Variants in DRD2 observed in about 807,000 individuals in gnomAD.
The protein encoded by DRD2 is dopamine receptor D2.
Under a neutral mutation model 38.0 loss-of-function variants are expected in DRD2, and 8 were observed. That is an observed-to-expected ratio of 0.21 (90% CI 0.12 to 0.38). The LOEUF (loss-of-function observed/expected upper bound fraction) is 0.38. DRD2 is among the 10% of genes least tolerant of loss of function. The pLI is 1.00. For synonymous variants in DRD2, 230 were observed against 238.6 expected, an observed-to-expected ratio of 0.96 and a Z score of 0.33; for missense variants, 403 against 607.7, an observed-to-expected ratio of 0.66 and a Z score of 3.54.
chr11:113,466,779 T>C (rs1168263188), intron 1 of DRD2, among the ~76,000 whole-genome samples: 1 of 152,204 alleles, frequency 6.6e-6, no homozygotes, highest in Admixed American at 6.5e-5. Context: ...AACTACCAAG[T>C]GCCTAGCACC....
At chr11:113,432,322 CT>C (rs1444671877) in intron 1 of DRD2, among the ~76,000 whole-genome samples, 48 of 150,398 alleles carry the variant, frequency 3.2e-4, no homozygotes, top group African/African-American at 1.1e-3. Context: ...CTCTCTCTCT[CT>C]CTCCCTCCCT....
At chr11:113,427,329 C>T (rs1430856899) in intron 1 of DRD2, among the ~76,000 whole-genome samples, 3 of 152,058 alleles carry the variant, frequency 2.0e-5, no homozygotes, top group Non-Finnish European at 4.4e-5. Flanking sequence ...GCCTAGAATC[C>T]TCCTGTCTTA....
chr11:113,457,869 G>C (rs1382509314), intron 1 of DRD2, among the ~76,000 whole-genome samples: 1 of 152,252 alleles, frequency 6.6e-6, no homozygotes, highest in Non-Finnish European at 1.5e-5. Flanking sequence ...ATTAGAGCCA[G>C]GGCCAATTAT....
At chr11:113,423,848 A>G (rs1230735715) in intron 2 of DRD2, among the ~76,000 whole-genome samples, 1 of 152,218 alleles carries the variant, frequency 6.6e-6, no homozygotes, top group Non-Finnish European at 1.5e-5. Flanking sequence ...GGGAGCATAA[A>G]GCAGCAGACC....
intron 1 of DRD2, among the ~76,000 whole-genome samples, chr11:113,448,300 C>A (rs1242837401): frequency 6.6e-6 from 1 of 152,156 alleles, no homozygotes; most frequent in Non-Finnish European, 1.5e-5. Flanking sequence ...CCTGGGGCAG[C>A]CGCTCCTTGG....
intron 1 of DRD2, among the ~76,000 whole-genome samples, chr11:113,437,211 T>A (rs979384942): frequency 6.6e-6 from 1 of 152,184 alleles, no homozygotes; most frequent in Non-Finnish European, 1.5e-5. Flanking sequence ...AGATTAGATA[T>A]GATCCCCATG....
At chr11:113,424,261 G>GTTT in intron 2 of DRD2, 106 bp downstream of exon 2, 1 of 1,277,228 alleles carries the variant, frequency 7.8e-7, no homozygotes, top group South Asian at 1.3e-5. Flanking sequence ...ACCTGGGGAA[G>GTTT]CACCAGGAAA....
At chr11:113,467,313 C>G (rs777614680) in intron 1 of DRD2, among the ~76,000 whole-genome samples, 19 of 152,244 alleles carry the variant, frequency 1.2e-4, no homozygotes, top group Admixed American at 2.6e-4. Flanking sequence ...GAGTCCTCCC[C>G]AAGAAGGGAT....
At chr11:113,462,602 G>A (rs1007571934) in intron 1 of DRD2, among the ~76,000 whole-genome samples, 6 of 152,168 alleles carry the variant, frequency 3.9e-5, no homozygotes, top group Non-Finnish European at 8.8e-5. Flanking sequence ...GAGGAAGCAT[G>A]GCCATGCAGG....
intron 1 of DRD2, among the ~76,000 whole-genome samples, chr11:113,439,188 C>T (rs1213970477): frequency 6.6e-6 from 1 of 152,196 alleles, no homozygotes; most frequent in Non-Finnish European, 1.5e-5. Context: ...CTGTCTGATG[C>T]ATCTGTGAGC....
Position 113,410,325 on chromosome 11 carries a change from G to T in DRD2, c.*402C>A, listed in dbSNP as rs201101625. The T allele has an allele frequency of 5.1e-6, 2 of 390,296 alleles. No homozygotes were observed. Among genetic ancestry groups the T allele is most frequent in the Non-Finnish European group, 4.8e-6 (1 of 206,888 alleles). The allele number at this position is 390,296 out of a possible 1,614,324, so 24.2% of individuals were successfully genotyped here. ...TGTGAACTGTCCATCTCTCCCCACCGCCTGCTCCACGCCAAGCCCCACAAA... is the reference window on the plus strand; with the variant it reads ...TGTGAACTGTCCATCTCTCCCCACCTCCTGCTCCACGCCAAGCCCCACAAA... On this transcript the variant is annotated 3_prime_UTR_variant, in exon 8 of 8. Transcript: ENST00000362072.
At chr11:113,457,906 C>G (rs34771705) in intron 1 of DRD2, among the ~76,000 whole-genome samples, 4 of 152,254 alleles carry the variant, frequency 2.6e-5, no homozygotes, top group Admixed American at 2.0e-4. Context: ...CTGAACCTAA[C>G]AGCAGCCTCT....
intron 1 of DRD2, among the ~76,000 whole-genome samples, chr11:113,470,919 C>A (rs1951417906): frequency 6.6e-6 from 1 of 152,236 alleles, no homozygotes; most frequent in Non-Finnish European, 1.5e-5. Flanking sequence ...CAGTGAAACA[C>A]TCTCATGTAT....
intron 1 of DRD2, among the ~76,000 whole-genome samples, chr11:113,448,413 T>C (rs1382117323): frequency 6.6e-6 from 1 of 152,170 alleles, no homozygotes; most frequent in Non-Finnish European, 1.5e-5. Flanking sequence ...CTGGCTATTC[T>C]TGGAAACACA....
At chr11:113,454,487 CT>C (rs1565676201) in intron 1 of DRD2, among the ~76,000 whole-genome samples, 1 of 152,148 alleles carries the variant, frequency 6.6e-6, no homozygotes, top group Non-Finnish European at 1.5e-5. Flanking sequence ...AAAGCCCTGG[CT>C]TTTCCCTCTG....
intron 2 of DRD2, among the ~76,000 whole-genome samples, chr11:113,419,831 C>A (rs1307277919): frequency 1.3e-5 from 2 of 152,218 alleles, no homozygotes; most frequent in East Asian, 3.9e-4. Flanking sequence ...ATGGGCAATG[C>A]AGCTGCTGTC....
chr11:113,456,702 A>G lies in DRD2; in HGVS notation c.-32+18374T>C, dbSNP rs148424650. On this transcript the variant is annotated intron_variant, in intron 1 of 7. Coordinates refer to ENST00000362072, the MANE Select transcript of DRD2 (RefSeq NM_000795.4). ...TGAGGTATCTAAAGGAGTCAAATTC[A>G]TAGAGACAGAAGGTAAAATGGTGGT... is the stretch of plus-strand genomic sequence containing the variant. 1.4e-3 allele frequency among the ~76,000 whole-genome samples: 217 copies of G among 152,340 alleles called. 1 individual carries two copies. Among genetic ancestry groups the G allele is most frequent in the African/African-American group, 4.7e-3 (194 of 41,582 alleles).
At chr11:113,411,201 T>C (rs555370702) in intron 7 of DRD2, among the ~76,000 whole-genome samples, 11 of 151,744 alleles carry the variant, frequency 7.2e-5, no homozygotes, top group Non-Finnish European at 1.3e-4. Context: ...GTTACCATTC[T>C]GACCCAGGTT....
chr11:113,437,735 C>G (rs1170579222), intron 1 of DRD2, among the ~76,000 whole-genome samples: 2 of 152,140 alleles, frequency 1.3e-5, no homozygotes, highest in African/African-American at 4.8e-5. Context: ...CCCTCATCCT[C>G]TCTCAGCTCC....
Sources: allele counts gnomAD v4.1 joint callset (sites outside exome capture counted in the v4.1 genomes callset), GRCh38; gene constraint gnomAD v4.1.1; transcripts MANE v1.5; gene names NCBI Gene and HGNC (gene_info 2026-07-23, HGNC 2026-07-21).